PDE1A: variants seen among roughly 807,000 people sequenced by gnomAD.
PDE1A encodes the protein phosphodiesterase 1A.
In PDE1A, 35 loss-of-function variants were observed where a neutral mutation model predicts 61.7. The ratio of observed to expected loss-of-function variants is 0.57; its 90% CI spans 0.43 to 0.75. The LOEUF (loss-of-function observed/expected upper bound fraction) is 0.75. Among genes scored for constraint, PDE1A ranks in the 30% least tolerant of loss-of-function variants. The pLI is 0.00. For synonymous variants in PDE1A, 232 were observed against 213.2 expected (o/e 1.09, Z -0.77); for missense variants, 597 against 630.6 (o/e 0.95, Z 0.57).
upstream of PDE1A, among the ~76,000 whole-genome samples, chr2:182,429,814 T>C (rs1703838342): frequency 6.6e-6 from 1 of 152,152 alleles, no homozygotes; most frequent in South Asian, 2.1e-4. Context: ...CTGGCTGTGT[T>C]TGTAATACAC....
chr2:182,569,882 T>C, the PDE1A span, among the ~76,000 whole-genome samples: 2 of 152,264 alleles, frequency 1.3e-5, no homozygotes, highest in Non-Finnish European at 2.9e-5. Context: ...CTTTCTTCAA[T>C]GGCCAGTGTA....
chr2:182,424,764 C>T (rs1046792235), intron 1 of PDE1A, among the ~76,000 whole-genome samples: 1 of 152,170 alleles, frequency 6.6e-6, no homozygotes, highest in Admixed American at 6.6e-5. Flanking sequence ...TAATCACAAT[C>T]ATAACCTGGT....
chr2:182,520,532 C>T (rs930057748), intron 2 of PDE1A, among the ~76,000 whole-genome samples: 2 of 151,892 alleles, frequency 1.3e-5, no homozygotes, highest in Non-Finnish European at 2.9e-5. Flanking sequence ...CTCTATCACC[C>T]TTTTCTGAAA....
chr2:182,499,180 T>TTTTTG (rs1688931083), intron 2 of PDE1A, among the ~76,000 whole-genome samples: 2 of 118,722 alleles, frequency 1.7e-5, no homozygotes, highest in African/African-American at 7.1e-5. Flanking sequence ...CTTGTTTTTT[T>TTTTTG]TTTTTTTTTT....
chr2:182,339,210 A>C (rs1482722037), intron 1 of PDE1A, among the ~76,000 whole-genome samples: 1 of 152,168 alleles, frequency 6.6e-6, no homozygotes, highest in Non-Finnish European at 1.5e-5. Context: ...AACCACTTCC[A>C]CTTGTTTAAT....
In PDE1A at chr2:182,175,500, T is replaced by C. The variant is rs1275641753; in HGVS notation, c.1517-7210A>G. ...ATGTCTTCTTTTGAGAAGTGTCTGT[T>C]CATGTCCTTTGCCCACTTTTTGATG... On this transcript the variant is annotated intron_variant, in intron 13 of 13. Transcript: ENST00000351439. Among the ~76,000 whole-genome samples, 25 of 142,710 alleles carry C rather than the reference T, an allele frequency of 1.8e-4. 1 individual carries two copies. The highest frequency in any genetic ancestry group is 6.3e-4 in the African/African-American group (24 of 37,888). The allele number at this position is 142,710 out of a possible 152,430, so 93.6% of individuals were successfully genotyped here. A position where few individuals can be genotyped will look rare whatever the true frequency, so the allele number is the denominator to read the frequency against.
At chr2:182,423,855 A>C (rs1202338919) in intron 1 of PDE1A, among the ~76,000 whole-genome samples, 1 of 151,746 alleles carries the variant, frequency 6.6e-6, no homozygotes, top group African/African-American at 2.4e-5. Context: ...TTAAAGCTGG[A>C]GCTTCAATTA....
chr2:182,170,821 C>T (rs1692142586), intron 13 of PDE1A, among the ~76,000 whole-genome samples: 1 of 151,894 alleles, frequency 6.6e-6, no homozygotes, highest in Admixed American at 6.6e-5. Flanking sequence ...TTAATACCAA[C>T]ATAATTACAA....
At chr2:182,671,529 C>T in the PDE1A span, among the ~76,000 whole-genome samples, 120 of 151,020 alleles carry the variant, frequency 7.9e-4, no homozygotes, top group African/African-American at 2.7e-3. Flanking sequence ...ATTACACAAA[C>T]CCCATTTTTC....
chr2:182,476,941 G>A (rs1373128071), intron 2 of PDE1A, among the ~76,000 whole-genome samples: 1 of 150,264 alleles, frequency 6.7e-6, no homozygotes, highest in Non-Finnish European at 1.5e-5. Context: ...AAGTAAACAG[G>A]GAAATGTTAT....
chr2:182,457,462 T>A (rs12470124), intron 2 of PDE1A, among the ~76,000 whole-genome samples: 27,672 of 151,854 alleles, frequency 0.18, 3,034 homozygotes, highest in Middle Eastern at 0.35. Context: ...TAGATAAAAA[T>A]CTCAGGAAAA....
At chr2:182,655,046 C>T in the PDE1A span, among the ~76,000 whole-genome samples, 1 of 152,254 alleles carries the variant, frequency 6.6e-6, no homozygotes, top group East Asian at 1.9e-4. Flanking sequence ...GTCTAGGCAA[C>T]CACAGATGCC....
intron 1 of PDE1A, among the ~76,000 whole-genome samples, chr2:182,417,122 G>A (rs1702967859): frequency 1.3e-5 from 2 of 152,178 alleles, no homozygotes; most frequent in Non-Finnish European, 2.9e-5. Flanking sequence ...CAGATGCTCA[G>A]CACTTGGCTG....
the PDE1A span, among the ~76,000 whole-genome samples, chr2:182,640,856 C>T: frequency 1.3e-5 from 2 of 151,634 alleles, no homozygotes; most frequent in African/African-American, 4.8e-5. Context: ...CTCGTTTCTA[C>T]TAAAACTACC....
At chr2:182,668,459 A>G in the PDE1A span, among the ~76,000 whole-genome samples, 266 of 152,198 alleles carry the variant, frequency 1.7e-3, 1 homozygote, top group Non-Finnish European at 2.3e-3. Context: ...AAAAAAACCA[A>G]TAGAGGCCAC....
chr2:182,532,465 T>C, the PDE1A span, among the ~76,000 whole-genome samples: 1 of 152,092 alleles, frequency 6.6e-6, no homozygotes, highest in East Asian at 1.9e-4. Flanking sequence ...TTATATGAAA[T>C]GCAGAAAAGG....
At chr2:182,621,788 G>A in the PDE1A span, among the ~76,000 whole-genome samples, 6 of 151,980 alleles carry the variant, frequency 3.9e-5, no homozygotes, top group African/African-American at 7.2e-5. Flanking sequence ...AGTGAATGAC[G>A]GTAGACAAGA....
At chr2:182,230,384 C>T (rs1342272024) in intron 5 of PDE1A, among the ~76,000 whole-genome samples, 1 of 152,148 alleles carries the variant, frequency 6.6e-6, no homozygotes, top group Non-Finnish European at 1.5e-5. Context: ...CTTACTTGTA[C>T]TATAGGCTTG....
intron 2 of PDE1A, among the ~76,000 whole-genome samples, chr2:182,452,860 T>C (rs1326076006): frequency 6.6e-6 from 1 of 152,112 alleles, no homozygotes; most frequent in Admixed American, 6.6e-5. Context: ...TTTCCTGCCC[T>C]TACCTTTTTC....
Sources: allele counts gnomAD v4.1 joint callset (sites outside exome capture counted in the v4.1 genomes callset), GRCh38; gene constraint gnomAD v4.1.1; transcripts MANE v1.5; gene names NCBI Gene and HGNC (gene_info 2026-07-23, HGNC 2026-07-21).